The following EPB41L3 variants were observed in gnomAD, a reference collection of about 807,000 sequenced individuals.
EPB41L3 encodes the protein erythrocyte membrane protein band 4.1 like 3.
EPB41L3 carries 57 observed loss-of-function variants against 127.1 expected under a neutral mutation model. The ratio of observed to expected loss-of-function variants is 0.45; its 90% confidence interval spans 0.36 to 0.56. The LOEUF is 0.56. Ranked by LOEUF, EPB41L3 falls within the 20% of genes least tolerant of loss-of-function variation. The probability of loss-of-function intolerance (pLI) is 0.00; values close to 1 mark genes in which losing one functional copy is unlikely to be tolerated. For synonymous variants in EPB41L3, 572 were observed against 549.5 expected, an observed-to-expected ratio of 1.04 and a Z score of -0.57; for missense variants, 1,273 against 1,372.2, an observed-to-expected ratio of 0.93 and a Z score of 1.14.
intron 3 of EPB41L3, among the ~76,000 whole-genome samples, chr18:5,590,507 C>G (rs540058417): frequency 6.6e-6 from 1 of 152,144 alleles, no homozygotes; most frequent in Non-Finnish European, 1.5e-5. Context: ...AAGTTCTCAC[C>G]ATAAGACCCA....
intron 3 of EPB41L3, among the ~76,000 whole-genome samples, chr18:5,588,491 AAT>A (rs1221165170): frequency 2.0e-5 from 3 of 151,294 alleles, no homozygotes; most frequent in Non-Finnish European, 4.4e-5. Context: ...TATACACATA[AAT>A]ATGTGTATAT....
intron 1 of EPB41L3, among the ~76,000 whole-genome samples, chr18:5,495,499 G>C (rs1371415249): frequency 6.6e-6 from 1 of 151,738 alleles, no homozygotes; most frequent in Non-Finnish European, 1.5e-5. Context: ...CAAGAAGCAA[G>C]CCAAGCACCA....
At chr18:5,418,084 C>T (rs1361057720) in intron 12 of EPB41L3, among the ~76,000 whole-genome samples, 2 of 152,202 alleles carry the variant, frequency 1.3e-5, no homozygotes, top group African/African-American at 4.8e-5. Context: ...GTTTAACCTT[C>T]CATGCTGATT....
intron 16 of EPB41L3, among the ~76,000 whole-genome samples, chr18:5,406,358 A>C (rs185445222): frequency 6.6e-6 from 1 of 152,360 alleles, no homozygotes; most frequent in East Asian, 1.9e-4. Flanking sequence ...GTAATATCTC[A>C]GAGTAAAATT....
At chr18:5,608,846 A>T (rs1240037033) in intron 3 of EPB41L3, among the ~76,000 whole-genome samples, 4 of 152,206 alleles carry the variant, frequency 2.6e-5, no homozygotes, top group Non-Finnish European at 1.5e-5. Context: ...TCAATAAGCA[A>T]AACAGCTGAT....
chr18:5,394,562 AAC>A, intron 22 of EPB41L3, 113 bp downstream of exon 22: 1 of 751,012 alleles, frequency 1.3e-6, no homozygotes, highest in Non-Finnish European at 2.2e-6. Flanking sequence ...TAACCAGCCC[AAC>A]AAATGCCAGT....
At chr18:5,433,053 G>A (rs748886607) in intron 8 of EPB41L3, among the ~76,000 whole-genome samples, 2 of 152,212 alleles carry the variant, frequency 1.3e-5, no homozygotes, top group Admixed American at 6.5e-5. Flanking sequence ...ATAGTCCAGA[G>A]ACGGACATAG....
At chr18:5,529,424 C>T (rs958017777) in intron 1 of EPB41L3, among the ~76,000 whole-genome samples, 1 of 152,244 alleles carries the variant, frequency 6.6e-6, no homozygotes, top group East Asian at 1.9e-4. Context: ...GCACCGCCCT[C>T]CTCTCAGCCC....
chr18:5,448,233 C>T (rs998006815), intron 3 of EPB41L3, among the ~76,000 whole-genome samples: 1 of 152,152 alleles, frequency 6.6e-6, no homozygotes, highest in Non-Finnish European at 1.5e-5. Context: ...GCATCAGCAT[C>T]CTTCTACACG....
chr18:5,536,207 C>T (rs2093566834), intron 1 of EPB41L3, among the ~76,000 whole-genome samples: 1 of 151,988 alleles, frequency 6.6e-6, no homozygotes, highest in South Asian at 2.1e-4. Flanking sequence ...AATATTCACA[C>T]ACAACATTGA....
chr18:5,596,092 T>C (rs1539812), intron 3 of EPB41L3, among the ~76,000 whole-genome samples: 60,703 of 152,084 alleles, frequency 0.4, 12,791 homozygotes, highest in Non-Finnish European at 0.47. Flanking sequence ...CCACCTCACA[T>C]AGTGTCCATC....
intron 1 of EPB41L3, among the ~76,000 whole-genome samples, chr18:5,506,494 C>A (rs1400117237): frequency 6.6e-6 from 1 of 152,166 alleles, no homozygotes; most frequent in South Asian, 2.1e-4. Context: ...TCCTTCTCAG[C>A]GAGGCCTTCC....
chr18:5,473,907 A>G (rs2086637804), intron 3 of EPB41L3, among the ~76,000 whole-genome samples: 1 of 152,100 alleles, frequency 6.6e-6, no homozygotes. Flanking sequence ...ATTTTAAATA[A>G]TCAAGACTGA....
At chr18:5,597,996 A>G (rs1314466228) in intron 3 of EPB41L3, among the ~76,000 whole-genome samples, 3 of 152,186 alleles carry the variant, frequency 2.0e-5, no homozygotes, top group Non-Finnish European at 4.4e-5. Context: ...TAATTCCTGT[A>G]GCAGTTCTGT....
At chr18:5,396,045 A>AT (rs112187992) in intron 19 of EPB41L3, among the ~76,000 whole-genome samples, 156 bp downstream of exon 19, 7,697 of 152,298 alleles carry the variant, frequency 0.051, 342 homozygotes, top group African/African-American at 0.12. Context: ...ATCACTAATA[A>AT]AATGACCATT....
At chr18:5,603,229 AAAGG>A (rs1156591023) in intron 3 of EPB41L3, among the ~76,000 whole-genome samples, 2 of 152,224 alleles carry the variant, frequency 1.3e-5, no homozygotes, top group African/African-American at 4.8e-5. Context: ...GGAGTCATTA[AAAGG>A]AAGGGAAGCC....
At chr18:5,517,031 C>T (rs553769156) in intron 1 of EPB41L3, among the ~76,000 whole-genome samples, 1 of 152,252 alleles carries the variant, frequency 6.6e-6, no homozygotes, top group East Asian at 1.9e-4. Flanking sequence ...CTAAACCCAG[C>T]AGGGATTAGC....
intron 3 of EPB41L3, among the ~76,000 whole-genome samples, chr18:5,586,565 A>T (rs202020054): frequency 4.0e-4 from 50 of 125,952 alleles, no homozygotes; most frequent in Middle Eastern, 4.2e-3. Context: ...ATACATGACT[A>T]TTTTTTTTTT....
At chr18:5,529,493 A>G (rs2093342928) in intron 1 of EPB41L3, among the ~76,000 whole-genome samples, 1 of 152,132 alleles carries the variant, frequency 6.6e-6, no homozygotes, top group African/African-American at 2.4e-5. Context: ...ATGAAAGGGA[A>G]GCAGAGGTGA....
Sources: allele counts gnomAD v4.1 joint callset (sites outside exome capture counted in the v4.1 genomes callset), GRCh38; gene constraint gnomAD v4.1.1; transcripts MANE v1.5; gene names NCBI Gene and HGNC (gene_info 2026-07-23, HGNC 2026-07-21).